LUZP2: variants seen among roughly 807,000 people sequenced by gnomAD.
The protein encoded by LUZP2 is leucine zipper protein 2.
LUZP2 carries 52 observed loss-of-function variants against 51.6 expected under a neutral mutation model. The ratio of observed to expected loss-of-function variants is 1.01; its 90% confidence interval spans 0.81 to 1.27. The LOEUF (loss-of-function observed/expected upper bound fraction) is 1.27, where lower values mean the gene tolerates loss of function less well. LUZP2 is among the 50% of genes most tolerant of loss of function. The pLI, the probability that LUZP2 is intolerant of heterozygous loss-of-function variation, is 0.00. For synonymous variants in LUZP2, 154 were observed against 137.3 expected (o/e 1.12, Z -0.85); for missense variants, 436 against 395.4 (o/e 1.10, Z -0.87).
intron 1 of LUZP2, among the ~76,000 whole-genome samples, chr11:24,693,188 A>G (rs1171046197): frequency 6.6e-6 from 1 of 151,390 alleles, no homozygotes; most frequent in African/African-American, 2.4e-5. Context: ...TGCATTTTTT[A>G]TTCTTGTTCA....
intron 7 of LUZP2, among the ~76,000 whole-genome samples, chr11:24,922,917 C>T (rs1457043496): frequency 1.5e-5 from 2 of 130,542 alleles, no homozygotes; most frequent in Non-Finnish European, 3.1e-5. Context: ...GGCACGATCT[C>T]GGCTTACTGA....
At chr11:24,986,529 G>A (rs1231602341) in intron 9 of LUZP2, among the ~76,000 whole-genome samples, 1 of 107,890 alleles carries the variant, frequency 9.3e-6, no homozygotes, top group Non-Finnish European at 2.0e-5. Flanking sequence ...CTAGTGAATA[G>A]CATGCCTCTG....
At chr11:24,546,018 C>A (rs972109301) in intron 1 of LUZP2, among the ~76,000 whole-genome samples, 1 of 151,954 alleles carries the variant, frequency 6.6e-6, no homozygotes, top group African/African-American at 2.4e-5. Flanking sequence ...AGCTGTATAT[C>A]AAGGTATTTT....
chr11:24,983,755 G>A (rs549781920), intron 9 of LUZP2, among the ~76,000 whole-genome samples: 310 of 149,440 alleles, frequency 2.1e-3, no homozygotes, highest in Non-Finnish European at 4.0e-3. Flanking sequence ...GTGTTTAGGT[G>A]TATTTACATT....
intron 1 of LUZP2, among the ~76,000 whole-genome samples, chr11:24,538,951 A>G (rs987026864): frequency 6.6e-6 from 1 of 151,890 alleles, no homozygotes; most frequent in Non-Finnish European, 1.5e-5. Context: ...AAGATTATAT[A>G]TAATTTTTCA....
chr11:24,716,650 A>G (rs1858056066), intron 1 of LUZP2, among the ~76,000 whole-genome samples: 2 of 152,198 alleles, frequency 1.3e-5, no homozygotes, highest in South Asian at 4.1e-4. Flanking sequence ...TAATCCCAGC[A>G]CTTTGAGAGT....
chr11:24,670,323 T>C (rs1393690882), intron 1 of LUZP2, among the ~76,000 whole-genome samples: 1 of 152,080 alleles, frequency 6.6e-6, no homozygotes, highest in Non-Finnish European at 1.5e-5. Context: ...AGGATGACTA[T>C]GGTCATAATA....
intron 5 of LUZP2, among the ~76,000 whole-genome samples, chr11:24,776,381 G>C (rs1398961535): frequency 1.3e-5 from 2 of 152,060 alleles, no homozygotes; most frequent in South Asian, 4.1e-4. Flanking sequence ...CAGTTTAATT[G>C]CTAAGCCTGA....
chr11:24,874,887 T>A (rs2134276136), intron 5 of LUZP2, among the ~76,000 whole-genome samples: 1 of 152,282 alleles, frequency 6.6e-6, no homozygotes, highest in East Asian at 1.9e-4. Context: ...CAAATATTGA[T>A]AGTTTTTTCC....
intron 6 of LUZP2, among the ~76,000 whole-genome samples, chr11:24,907,867 A>G (rs1253387068): frequency 7.9e-5 from 12 of 152,170 alleles, no homozygotes. Context: ...TAGATACTTC[A>G]TGTATTAGTG....
At chr11:24,751,506 C>A in intron 4 of LUZP2, 1 of 759,188 alleles carries the variant, frequency 1.3e-6, no homozygotes. Flanking sequence ...AACATCAGTG[C>A]AGTACAAAAG....
intron 7 of LUZP2, among the ~76,000 whole-genome samples, chr11:24,915,702 A>C (rs1853769834): frequency 6.6e-6 from 1 of 152,040 alleles, no homozygotes; most frequent in Non-Finnish European, 1.5e-5. Context: ...AGATAGATAG[A>C]TTAGATAGGT....
intron 5 of LUZP2, among the ~76,000 whole-genome samples, chr11:24,875,074 G>A (rs1852201879): frequency 6.6e-6 from 1 of 151,874 alleles, no homozygotes; most frequent in African/African-American, 2.4e-5. Context: ...TATCCATTAA[G>A]GAAAAGTATT....
intron 5 of LUZP2, among the ~76,000 whole-genome samples, chr11:24,863,058 T>A (rs752850931): frequency 3.9e-5 from 6 of 152,110 alleles, no homozygotes; most frequent in Non-Finnish European, 7.4e-5. Context: ...ACACTAGCTA[T>A]AGGTAAGGAT....
intron 7 of LUZP2, among the ~76,000 whole-genome samples, chr11:24,924,215 C>G (rs1416595063): frequency 1.3e-5 from 2 of 151,904 alleles, no homozygotes; most frequent in African/African-American, 4.8e-5. Flanking sequence ...GTAGCTGGGA[C>G]TACAGGCACG....
At position 24,936,085 on chromosome 11, in the gene LUZP2, GAGA is replaced by G. The variant is rs148460944; in HGVS notation, c.522+21554_522+21556del. ...TAGTGTTTTTGTTAACCTAATAAAA[GAGA>G]AGAAGACATTTACCTTTTACGATAT... On this transcript the variant is annotated intron_variant, in intron 7 of 11. Coordinates refer to ENST00000336930, the MANE Select transcript of LUZP2 (RefSeq NM_001009909.4). Among the ~76,000 whole-genome samples the G allele has an allele frequency of 7.1e-3, 1,080 of 152,218 alleles. 11 individuals carry two copies. Among genetic ancestry groups the G allele is most frequent in the African/African-American group, 0.024 (995 of 41,530 alleles).
rs188963718 is a variant in LUZP2 at position 24,921,642 on chromosome 11, C to G, written c.522+7104C>G. ...AACATTTCCACTGAGAACCTTTACC[C>G]TTACTTTCTCCCTAAAAATTATTTC... On this transcript the variant is annotated intron_variant, in intron 7 of 11. Coordinates refer to ENST00000336930, the MANE Select transcript of LUZP2 (RefSeq NM_001009909.4). Among the ~76,000 whole-genome samples, 67 of 152,148 alleles carry G rather than the reference C, an allele frequency of 4.4e-4. 2 individuals carry two copies. Among genetic ancestry groups the G allele is most frequent in the Middle Eastern group, 3.4e-3 (1 of 294 alleles).
intron 1 of LUZP2, among the ~76,000 whole-genome samples, chr11:24,699,244 TA>T (rs1857346897): frequency 6.6e-6 from 1 of 152,112 alleles, no homozygotes; most frequent in African/African-American, 2.4e-5. Flanking sequence ...CGCTTCACCA[TA>T]AATTTTATGT....
chr11:24,876,801 A>G (rs980520042), intron 5 of LUZP2, among the ~76,000 whole-genome samples: 1 of 152,056 alleles, frequency 6.6e-6, no homozygotes, highest in Admixed American at 6.6e-5. Flanking sequence ...TTCTCCTTGA[A>G]GTACACTCCT....
Sources: gnomAD v4.1 joint callset for allele counts (sites outside exome capture counted in the v4.1 genomes callset) on GRCh38, gnomAD v4.1.1 for gene constraint, MANE v1.5 for transcripts, NCBI Gene and HGNC (gene_info 2026-07-23, HGNC 2026-07-21) for gene names.